The following ZFYVE9 variants were observed in gnomAD, a reference collection of about 807,000 sequenced individuals.
ZFYVE9 encodes zinc finger FYVE domain-containing protein 9.
A neutral mutation model predicts 126.7 loss-of-function variants in ZFYVE9; 43 were observed. The observed-to-expected ratio is 0.34, with a 90% CI of 0.27 to 0.44. The LOEUF is 0.44. ZFYVE9 is among the 20% of genes least tolerant of loss of function. The probability of loss-of-function intolerance (pLI) is 1.00; values close to 1 mark genes in which losing one functional copy is unlikely to be tolerated. For missense variants in ZFYVE9, 1,476 were observed against 1,697.0 expected (o/e 0.87, Z 2.29); for synonymous variants, 521 against 597.4 (o/e 0.87, Z 1.87).
At chr1:52,163,413 A>G (rs746778823) in intron 1 of ZFYVE9, among the ~76,000 whole-genome samples, 5 of 152,200 alleles carry the variant, frequency 3.3e-5, no homozygotes, top group Admixed American at 2.6e-4. Flanking sequence ...AAACTGTGGG[A>G]GAGAGGAAAG....
chr1:52,272,463 A>G (rs573901227), intron 7 of ZFYVE9, among the ~76,000 whole-genome samples: 3 of 152,270 alleles, frequency 2.0e-5, no homozygotes, highest in African/African-American at 7.2e-5. Flanking sequence ...TATAAATCCA[A>G]ACAATAGTAT....
At chr1:52,198,126 T>TTTG (rs1553123740) in intron 1 of ZFYVE9, among the ~76,000 whole-genome samples, 4 of 128,222 alleles carry the variant, frequency 3.1e-5, no homozygotes, top group East Asian at 2.9e-4. Context: ...TTTTGTTTGT[T>TTTG]TTTTTTTTTT....
intron 1 of ZFYVE9, among the ~76,000 whole-genome samples, chr1:52,212,292 A>G (rs914637727): frequency 6.6e-6 from 1 of 152,148 alleles, no homozygotes; most frequent in Non-Finnish European, 1.5e-5. Context: ...CTACAGGCAC[A>G]TGCCACTATG....
In ZFYVE9 at chr1:52,293,664, A is replaced by C. The variant is rs201102586; in HGVS notation, c.3237A>C (p.Gly1079=). 2 of 1,614,028 alleles carry C rather than the reference A, an allele frequency of 1.2e-6. No individual in the cohort carries two copies. The highest frequency in any genetic ancestry group is 1.3e-5 in the African/African-American group (1 of 75,046). Residue 1079 remains glycine (G), a synonymous_variant, in exon 11 of 19, where the codon GGA becomes GGC. Coordinates refer to ENST00000287727, the MANE Select transcript of ZFYVE9 (RefSeq NM_004799.4). ...CTATCCGTCTGATGTTGAGACTTGG[A>C]GCTGAATATCGACGTAAGTAGTAAA... is the stretch of plus-strand genomic sequence containing the variant. The part of the protein sequence containing the change: ...VFPIRLMLRL[G]AEYRLYPCPL...
intron 13 of ZFYVE9, among the ~76,000 whole-genome samples, chr1:52,304,736 G>A (rs1158836535): frequency 6.6e-6 from 1 of 151,514 alleles, no homozygotes; most frequent in Non-Finnish European, 1.5e-5. Context: ...TCAGTTCTCA[G>A]CATTATTATG....
intron 4 of ZFYVE9, 72 bp from the exon 5 acceptor site, chr1:52,263,701 A>G (rs901519881): frequency 5.9e-5 from 44 of 751,394 alleles, no homozygotes; most frequent in Admixed American, 9.9e-5. Context: ...GTGTTTGTCA[A>G]TATTGGTTCA....
intron 2 of ZFYVE9, among the ~76,000 whole-genome samples, chr1:52,227,369 A>T (rs3958595): frequency 0.93 from 140,998 of 151,964 alleles, 65,558 homozygotes; most frequent in East Asian, 1. Flanking sequence ...GGCGTTGCCT[A>T]AGGAAGTTTC....
intron 4 of ZFYVE9, among the ~76,000 whole-genome samples, chr1:52,250,862 T>A (rs966618790): frequency 6.6e-6 from 1 of 151,792 alleles, no homozygotes; most frequent in Non-Finnish European, 1.5e-5. Context: ...AGGCGTGCAC[T>A]ACCACACCTG....
intron 16 of ZFYVE9, 125 bp from the exon 17 acceptor site, chr1:52,340,001 C>T (rs1646420287): frequency 5.5e-6 from 4 of 723,142 alleles, no homozygotes; most frequent in Non-Finnish European, 7.4e-6. Context: ...TGATGTGCTG[C>T]ACAGGTGTGT....
chr1:52,195,002 A>AT (rs1644847474), intron 1 of ZFYVE9, among the ~76,000 whole-genome samples: 2 of 152,182 alleles, frequency 1.3e-5, no homozygotes, highest in African/African-American at 4.8e-5. Context: ...TTATAATAAT[A>AT]TATAACAATA....
chr1:52,270,532 G>A (rs535452560), intron 7 of ZFYVE9, among the ~76,000 whole-genome samples: 19 of 152,228 alleles, frequency 1.2e-4, no homozygotes, highest in Non-Finnish European at 2.5e-4. Flanking sequence ...CCAAAGTGCT[G>A]GGATTACAGG....
At position 52,142,437 on chromosome 1, in the gene ZFYVE9, G is replaced by C. The variant is rs627011; in HGVS notation, c.-143+34G>C. The C allele has an allele frequency of 0.97, 147,051 of 152,048 alleles. 71,126 individuals carry two copies. Among genetic ancestry groups the C allele is most frequent in the East Asian group, 1 (5,108 of 5,108 alleles). 9.4% of individuals were successfully genotyped at this position (152,048 alleles called of 1,614,324 possible). A position where few individuals can be genotyped will look rare whatever the true frequency, so the allele number is the denominator to read the frequency against. ...GGCGCGGCGTGGTCCGGGGCTCGCC[G>C]GCCTCCCGCCGCCTGTGGGGGCCCT... On this transcript the variant is annotated intron_variant, in intron 1 of 18. Transcript: ENST00000287727. This position sits in a 1 kb window ranked among gnomAD's most constrained non-coding sequence, Gnocchi z 4.5.
intron 4 of ZFYVE9, among the ~76,000 whole-genome samples, chr1:52,248,966 A>G (rs1251280863): frequency 1.3e-5 from 2 of 152,022 alleles, no homozygotes; most frequent in Non-Finnish European, 2.9e-5. Context: ...TGTAATCCCC[A>G]TGTGTTGGGG....
intron 1 of ZFYVE9, among the ~76,000 whole-genome samples, chr1:52,176,766 G>A (rs1356113513): frequency 2.0e-5 from 3 of 152,190 alleles, no homozygotes; most frequent in East Asian, 1.9e-4. Context: ...AGCAATCAGC[G>A]AGACTCCGTG....
At chr1:52,311,321 G>A (rs550692157) in intron 13 of ZFYVE9, among the ~76,000 whole-genome samples, 18 of 146,668 alleles carry the variant, frequency 1.2e-4, no homozygotes, top group Non-Finnish European at 2.4e-4. Context: ...CTGGAGTGTG[G>A]TGGCACGATC....
At chr1:52,263,707 G>C in intron 4 of ZFYVE9, 66 bp from the exon 5 acceptor site, 1 of 811,322 alleles carries the variant, frequency 1.2e-6, no homozygotes, top group Non-Finnish European at 2.0e-6. Context: ...GTCAATATTG[G>C]TTCACTCTCT....
rs898717560 is a variant in ZFYVE9 at position 52,150,848 on chromosome 1, A to C, written c.-143+8445A>C. On this transcript the variant is annotated intron_variant, in intron 1 of 18. Coordinates refer to ENST00000287727, the MANE Select transcript of ZFYVE9 (RefSeq NM_004799.4). ...AAAAACACCCTGTCAGGATTTATAC[A>C]AACTTTAATCTCCATTTTTCATTTT... 7.9e-5 allele frequency among the ~76,000 whole-genome samples: 12 copies of C among 152,222 alleles called. No individual in the cohort carries two copies. In the South Asian group the frequency reaches 8.3e-4, roughly 11 times the overall value.
At chr1:52,198,009 C>T (rs1024909180) in intron 1 of ZFYVE9, among the ~76,000 whole-genome samples, 2 of 151,222 alleles carry the variant, frequency 1.3e-5, no homozygotes, top group Admixed American at 1.3e-4. Context: ...CTGAGTCATT[C>T]GAATGGAGGT....
At chr1:52,172,903 T>C (rs1382552832) in intron 1 of ZFYVE9, among the ~76,000 whole-genome samples, 2 of 152,084 alleles carry the variant, frequency 1.3e-5, no homozygotes, top group African/African-American at 2.4e-5. Flanking sequence ...GATTTTGGGC[T>C]GAGACAATGG....
Sources: allele counts gnomAD v4.1 joint callset (sites outside exome capture counted in the v4.1 genomes callset), GRCh38; gene constraint gnomAD v4.1.1; non-coding constraint Gnocchi (gnomAD v3.1); transcripts MANE v1.5; gene names NCBI Gene and HGNC (gene_info 2026-07-23, HGNC 2026-07-21).